Variants in PEMT observed in about 807,000 individuals in gnomAD.
PEMT encodes the protein phosphatidylethanolamine N-methyltransferase.
In PEMT, 23 loss-of-function variants were observed where a neutral mutation model predicts 27.4. The ratio of observed to expected loss-of-function variants is 0.84; its 90% CI spans 0.60 to 1.19. The LOEUF is 1.19. PEMT is among the 50% of genes most tolerant of loss of function. The pLI is 0.00. For synonymous variants in PEMT, 137 were observed against 139.1 expected (o/e 0.98, Z 0.11); for missense variants, 307 against 310.1 (o/e 0.99, Z 0.07).
chr17:17,506,923 C>G, intron 5 of PEMT: 1 of 534,020 alleles, frequency 1.9e-6, no homozygotes, highest in East Asian at 3.1e-5. Flanking sequence ...GACAGCAGCC[C>G]CACGCCCAGG....
At chr17:17,518,546 C>G (rs1907021660) in intron 3 of PEMT, among the ~76,000 whole-genome samples, 1 of 152,232 alleles carries the variant, frequency 6.6e-6, no homozygotes. Flanking sequence ...CGGGCCTCCC[C>G]TGACCACCTC....
intron 3 of PEMT, among the ~76,000 whole-genome samples, chr17:17,514,425 G>A (rs922489686): frequency 1.3e-5 from 2 of 152,370 alleles, no homozygotes; most frequent in South Asian, 4.1e-4. Context: ...ATCCCCAAGA[G>A]CAGAGAAGGA....
intron 2 of PEMT, among the ~76,000 whole-genome samples, chr17:17,552,900 C>T (rs1437587620): frequency 6.6e-6 from 1 of 152,214 alleles, no homozygotes; most frequent in East Asian, 1.9e-4. Context: ...CTGCATCCCT[C>T]ATCCCTTGCC....
rs1296636713 is a variant in PEMT at position 17,522,286 on chromosome 17, G to A, written c.314C>T (p.Ser105Leu). The A allele has an allele frequency of 8.7e-6, 14 of 1,610,016 alleles. No homozygotes were observed. The highest frequency in any genetic ancestry group is 2.7e-5 in the African/African-American group (2 of 74,918). The change falls in exon 3 of 7, where the codon TCG becomes TTG. Residue 105 changes from serine (S) to leucine (L), a missense_variant. Ser to Leu is a moderately radical substitution (Grantham distance 145). Transcript: ENST00000255389. ...GTGAGAGAGCTGTGCTTACCAGTGC[G>A]AGCGCAGGAAGTTCAGGAGCAGGAT... ...VTILLLNFLR[S>L]HCFTQAMLSQ... is the part of the protein sequence containing the mutation.
intron 1 of PEMT, 109 bp downstream of exon 1, chr17:17,591,422 G>A: frequency 1.1e-6 from 1 of 934,588 alleles, no homozygotes; most frequent in East Asian, 2.9e-5. Context: ...CCATTGCCTG[G>A]GAACTGGCGG....
At chr17:17,558,675 G>A (rs1001457490) in intron 2 of PEMT, among the ~76,000 whole-genome samples, 1 of 119,530 alleles carries the variant, frequency 8.4e-6, no homozygotes, top group African/African-American at 3.3e-5. Flanking sequence ...GTGAGAACCA[G>A]TCTCACGAAA....
chr17:17,525,848 G>C (rs1597889700), intron 2 of PEMT, among the ~76,000 whole-genome samples: 2 of 152,146 alleles, frequency 1.3e-5, no homozygotes, highest in African/African-American at 4.8e-5. Context: ...CAAAAATTTA[G>C]CTGGGCACAG....
chr17:17,506,342 GTC>G (rs777752271), intron 5 of PEMT, 41 bp from the exon 6 acceptor site: 56 of 1,445,102 alleles, frequency 3.9e-5, no homozygotes, highest in Non-Finnish European at 2.2e-5. Flanking sequence ...TGGAGCCAGG[GTC>G]TCTCAGGGCC....
intron 5 of PEMT, 86 bp from the exon 6 acceptor site, chr17:17,506,387 C>CA: frequency 9.3e-7 from 1 of 1,071,124 alleles, no homozygotes; most frequent in Non-Finnish European, 1.4e-6. Context: ...CCCTTCCTGC[C>CA]GTGACCCTGG....
chr17:17,531,082 TG>T (rs1037144349), intron 2 of PEMT, among the ~76,000 whole-genome samples: 2 of 151,078 alleles, frequency 1.3e-5, no homozygotes, highest in Non-Finnish European at 2.9e-5. Context: ...TAGAGAGGCC[TG>T]GAACAGTGAG....
At chr17:17,528,223 GC>G (rs1907836871) in intron 2 of PEMT, among the ~76,000 whole-genome samples, 1 of 152,056 alleles carries the variant, frequency 6.6e-6, no homozygotes, top group African/African-American at 2.4e-5. Context: ...CTCCCGAACC[GC>G]CCCCATCTCG....
chr17:17,559,095 A>G (rs1447226545), intron 2 of PEMT, among the ~76,000 whole-genome samples: 1 of 151,818 alleles, frequency 6.6e-6, no homozygotes, highest in Admixed American at 6.6e-5. Context: ...GCTCCCCCCC[A>G]TTTTTACAGA....
At chr17:17,589,713 G>A (rs919583553) in intron 1 of PEMT, among the ~76,000 whole-genome samples, 2 of 152,176 alleles carry the variant, frequency 1.3e-5, no homozygotes, top group African/African-American at 4.8e-5. Flanking sequence ...TTTGATTGAG[G>A]AGGGAGTAGA....
Position 17,522,371 on chromosome 17 carries a change from G to A in PEMT, c.229C>T (p.Arg77Cys), listed in dbSNP as rs756474306. The A allele has an allele frequency of 1.5e-5, 25 of 1,613,480 alleles. No homozygotes were observed. Among genetic ancestry groups the A allele is most frequent in the Admixed American group, 6.7e-5 (4 of 59,970 alleles). Residue 77 changes from arginine (R) to cysteine (C), a missense_variant, in exon 3 of 7, where the codon CGC (arginine) becomes TGC (cysteine). Coordinates refer to ENST00000255389, the MANE Select transcript of PEMT (RefSeq NM_148172.3). ...GATCCGAAGGCCCTGCTCAGCTTGC[G>A]GGTCTTGTGTTCCCATCGTGCAACC... is the stretch of plus-strand genomic sequence containing the variant. ...NVVARWEHKT[R>C]KLSRAFGSPY...
intron 2 of PEMT, among the ~76,000 whole-genome samples, chr17:17,556,547 T>C (rs891236085): frequency 6.6e-6 from 1 of 152,012 alleles, no homozygotes; most frequent in Non-Finnish European, 1.5e-5. Context: ...CTGTTTTTTG[T>C]ATTTTTAGTA....
intron 2 of PEMT, among the ~76,000 whole-genome samples, chr17:17,532,486 C>G (rs1908171620): frequency 6.6e-6 from 1 of 152,180 alleles, no homozygotes; most frequent in Non-Finnish European, 1.5e-5. Context: ...AAAACTTACT[C>G]TCTGAAAATG....
At chr17:17,524,995 T>C (rs1009450945) in intron 2 of PEMT, among the ~76,000 whole-genome samples, 3 of 152,022 alleles carry the variant, frequency 2.0e-5, no homozygotes, top group Non-Finnish European at 4.4e-5. Flanking sequence ...GTAGTTCAGC[T>C]ACTCGGGAGG....
chr17:17,582,403 G>T lies in PEMT; in HGVS notation c.97-5376C>A. 2.0e-6 allele frequency: 2 copies of T among 985,460 alleles called. No individual in the cohort carries two copies. The highest frequency in any genetic ancestry group is 2.4e-6 in the Non-Finnish European group (2 of 829,938). 61.0% of individuals were successfully genotyped at this position (985,460 alleles called of 1,614,324 possible). On this transcript the variant is annotated intron_variant, in intron 1 of 6. Coordinates refer to ENST00000255389, the MANE Select transcript of PEMT (RefSeq NM_148172.3). The surrounding 1 kb of genome is among the most constrained non-coding windows in gnomAD (Gnocchi z 4.9). ...TAATTTACTCCATTGAGGGGTGCAG[G>T]GTTCTCGGGAGCAGCGCTCTGTGGT...
In PEMT at chr17:17,582,261, AC is replaced by A; in HGVS notation, c.97-5235del. On this transcript the variant is annotated intron_variant, in intron 1 of 6. Transcript: ENST00000255389. The surrounding 1 kb of genome is among the most constrained non-coding windows in gnomAD (Gnocchi z 4.9). ...GGAATCTGACTAAAGGAAAGGAGCTACCCACCACGGCCAGGAGGTCTGCTGA... is the reference window on the plus strand; with the variant it reads ...GGAATCTGACTAAAGGAAAGGAGCTACCACCACGGCCAGGAGGTCTGCTGA... 2 of 985,434 alleles carry A rather than the reference AC, an allele frequency of 2.0e-6. No homozygotes were observed. The highest frequency in any genetic ancestry group is 2.4e-6 in the Non-Finnish European group (2 of 829,946). The allele number at this position is 985,434 out of a possible 1,614,324, so 61.0% of individuals were successfully genotyped here.
Sources: gnomAD v4.1 joint callset for allele counts (sites outside exome capture counted in the v4.1 genomes callset) on GRCh38, gnomAD v4.1.1 for gene constraint, Gnocchi (gnomAD v3.1) non-coding constraint, MANE v1.5 for transcripts, NCBI Gene and HGNC (gene_info 2026-07-23, HGNC 2026-07-21) for gene names.